The following LRPPRC variants were observed in gnomAD, a reference collection of about 807,000 sequenced individuals.
LRPPRC encodes the protein leucine-rich PPR motif-containing protein, mitochondrial.
In LRPPRC, 120 loss-of-function variants were observed where a neutral mutation model predicts 180.3. The ratio of observed to expected loss-of-function variants is 0.67; its 90% CI spans 0.57 to 0.77. The LOEUF is 0.77. LRPPRC is among the 30% of genes least tolerant of loss of function. The pLI is 0.00. For missense variants in LRPPRC, 2,012 were observed against 1,657.2 expected (o/e 1.21, Z -3.72); for synonymous variants, 723 against 600.0 (o/e 1.21, Z -3.00).
chr2:43,917,967 C>T (rs1232656022), intron 29 of LRPPRC, 58 bp downstream of exon 29: 1 of 1,229,118 alleles, frequency 8.1e-7, no homozygotes, highest in South Asian at 1.2e-5. Flanking sequence ...ACACCCCACA[C>T]TGCTATTAGA....
Position 43,899,337 on chromosome 2 carries a change from G to A in LRPPRC, c.3710-3C>T. On this transcript the variant is annotated splice_region_variant and splice_polypyrimidine_tract_variant and intron_variant, in intron 33 of 37. Transcript: ENST00000260665. The stretch of plus-strand genomic sequence containing the variant: ...CAATCTCTCCGCCATGATGCTTACT[G>A]GAAAAATGACAGGTAAGAAAAATCT... The A allele has an allele frequency of 6.2e-7, 1 of 1,611,886 alleles. No individual in the cohort carries two copies. Among genetic ancestry groups the A allele is most frequent in the Non-Finnish European group, 8.5e-7 (1 of 1,177,990 alleles).
At chr2:43,926,391 T>C (rs1343472422) in intron 25 of LRPPRC, among the ~76,000 whole-genome samples, 3 of 152,194 alleles carry the variant, frequency 2.0e-5, no homozygotes, top group African/African-American at 7.2e-5. Flanking sequence ...TGTGCTCTTA[T>C]TTTTAATTTA....
In LRPPRC at chr2:43,948,059, T is replaced by G. The variant is rs1324589438; in HGVS notation, c.1920+63A>C. The G allele has an allele frequency of 4.4e-6, 5 of 1,137,806 alleles. No individual in the cohort carries two copies. In the East Asian group the frequency reaches 1.2e-4, roughly 27 times the overall value. 70.5% of individuals were successfully genotyped at this position (1,137,806 alleles called of 1,614,324 possible). ...CCAAAAGCATCATATTTAAATAAAA[T>G]TTTAACATGCTGTTATATGTAAGTT... On this transcript the variant is annotated intron_variant, in intron 18 of 37. Transcript: ENST00000260665.
intron 23 of LRPPRC, among the ~76,000 whole-genome samples, chr2:43,936,037 C>G (rs1212248121): frequency 6.6e-6 from 1 of 151,710 alleles, no homozygotes; most frequent in Non-Finnish European, 1.5e-5. Flanking sequence ...GAGCTGAGAT[C>G]GTGCCATTGC....
chr2:43,937,632 C>T lies in LRPPRC; in HGVS notation c.2505-2754G>A, dbSNP rs558397753. 1.6e-4 allele frequency among the ~76,000 whole-genome samples: 25 copies of T among 152,276 alleles called. No homozygotes were observed. In the South Asian group the frequency reaches 2.3e-3, roughly 14 times the overall value. On this transcript the variant is annotated intron_variant, in intron 23 of 37. Coordinates refer to ENST00000260665, the MANE Select transcript of LRPPRC (RefSeq NM_133259.4). Reference sequence around the variant, plus strand: ...TACTTATGCTACTCAGCTGTAGCAACGTGATACATTTCTAGAAGTGGTGAT... The same window carrying T: ...TACTTATGCTACTCAGCTGTAGCAATGTGATACATTTCTAGAAGTGGTGAT...
intron 14 of LRPPRC, among the ~76,000 whole-genome samples, chr2:43,956,478 C>CATGTGTGTGT (rs71393217): frequency 7.0e-6 from 1 of 142,490 alleles, no homozygotes; most frequent in African/African-American, 2.6e-5. Flanking sequence ...AAGAAAAAAA[C>CATGTGTGTGT]GTGTGTGTGT....
chr2:43,941,795 A>G (rs1377701890), intron 23 of LRPPRC, among the ~76,000 whole-genome samples: 1 of 151,258 alleles, frequency 6.6e-6, no homozygotes. Context: ...GATAGATGAA[A>G]CTGAAAGACC....
intron 9 of LRPPRC, 119 bp from the exon 10 acceptor site, chr2:43,974,019 A>G: frequency 8.4e-7 from 1 of 1,185,018 alleles, no homozygotes; most frequent in Non-Finnish European, 1.3e-6. Context: ...CTTTCTACCC[A>G]AAAATCTTGC....
At chr2:43,952,727 CAG>C (rs1164347496) in intron 14 of LRPPRC, among the ~76,000 whole-genome samples, 2 of 152,222 alleles carry the variant, frequency 1.3e-5, no homozygotes, top group African/African-American at 4.8e-5. Context: ...CTTTGTTTCC[CAG>C]AAGAGGAAAC....
rs772180951 is a variant in LRPPRC, at chr2:43,975,212, A to G, written c.743T>C (p.Met248Thr). Residue 248 changes from methionine (M) to threonine (T), a missense_variant, in exon 7 of 38, where the codon ATG (methionine) becomes ACG (threonine). Met to Thr is a moderately conservative substitution (Grantham distance 81). Transcript: ENST00000260665. ...TGTGAGAATGTTTTCTGCATTCTCC[A>G]TATCACTACAAGTTAATTCAAAAAA... ...LVTGHARAGD[M>T]ENAENILTVM... 8.7e-6 allele frequency: 14 copies of G among 1,612,582 alleles called. No homozygotes were observed. The East Asian group carries it at 8.9e-5, about 10-fold the overall frequency.
intron 13 of LRPPRC, chr2:43,959,256 C>T (rs2103656406): frequency 4.2e-6 from 3 of 711,306 alleles, no homozygotes; most frequent in Non-Finnish European, 2.6e-6. Context: ...AAAATCAATA[C>T]ACTCAGATAG....
intron 30 of LRPPRC, among the ~76,000 whole-genome samples, chr2:43,911,676 G>T (rs1419972495): frequency 6.6e-6 from 1 of 151,746 alleles, no homozygotes; most frequent in Non-Finnish European, 1.5e-5. Flanking sequence ...ACAGGCACAT[G>T]CCACCACGCC....
intron 3 of LRPPRC, 104 bp downstream of exon 3, chr2:43,979,722 C>G (rs1395199220): frequency 3.1e-6 from 3 of 958,978 alleles, no homozygotes; most frequent in Admixed American, 2.0e-5. Context: ...TCAAGTAGCC[C>G]TTCCATAAAA....
At position 43,969,861 on chromosome 2, in the gene LRPPRC, A is replaced by G. The variant is rs1673726496; in HGVS notation, c.1369+3746T>C. Among the ~76,000 whole-genome samples the G allele has an allele frequency of 2.0e-5, 3 of 152,190 alleles. No homozygotes were observed. In the South Asian group the frequency reaches 6.2e-4, roughly 32 times the overall value. ...GGCTAATTTTTCTATTTTTTTGTAG[A>G]GACAGGATTTTGCCAACTTCCCAAG... On this transcript the variant is annotated intron_variant, in intron 11 of 37. Transcript: ENST00000260665.
intron 13 of LRPPRC, chr2:43,959,227 A>C (rs1211937910): frequency 1.4e-6 from 1 of 715,462 alleles, no homozygotes; most frequent in Non-Finnish European, 2.6e-6. Flanking sequence ...AAATCTATAT[A>C]GTATACAGAG....
intron 29 of LRPPRC, among the ~76,000 whole-genome samples, chr2:43,914,542 A>G (rs1281463681): frequency 6.6e-6 from 1 of 151,840 alleles, no homozygotes; most frequent in East Asian, 1.9e-4. Context: ...AGCCTAGACA[A>G]CGTAGTGAAA....
chr2:43,917,324 C>T (rs1396581233), intron 29 of LRPPRC, among the ~76,000 whole-genome samples: 2 of 151,846 alleles, frequency 1.3e-5, no homozygotes, highest in African/African-American at 4.8e-5. Flanking sequence ...GCTGGGATTA[C>T]AGGTGTGAGC....
chr2:43,947,571 T>C (rs1488925111), intron 19 of LRPPRC, among the ~76,000 whole-genome samples, 160 bp downstream of exon 19: 1 of 152,084 alleles, frequency 6.6e-6, no homozygotes, highest in African/African-American at 2.4e-5. Flanking sequence ...TTCTTAGATA[T>C]GTTGATTTTT....
chr2:43,888,629 G>C lies in LRPPRC; in HGVS notation c.4156C>G (p.Leu1386Val), dbSNP rs886056053. ...PESFEFYAQQ[L>V]RKLRENSS ...GAAGAGTTTTCCCTCAATTTTCTTAGCTGCTGTGCATAAAATTCAAAGCTT... is the reference window on the plus strand; with the variant it reads ...GAAGAGTTTTCCCTCAATTTTCTTACCTGCTGTGCATAAAATTCAAAGCTT... The change falls in exon 38 of 38, where the codon CTA becomes GTA. Residue 1386 changes from leucine (L) to valine (V), a missense_variant. Transcript: ENST00000260665. The C allele has an allele frequency of 6.2e-7, 1 of 1,602,880 alleles. No individual in the cohort carries two copies. Among genetic ancestry groups the C allele is most frequent in the Non-Finnish European group, 8.5e-7 (1 of 1,169,992 alleles).
Sources: gnomAD v4.1 joint callset for allele counts (sites outside exome capture counted in the v4.1 genomes callset) on GRCh38, gnomAD v4.1.1 for gene constraint, MANE v1.5 for transcripts, NCBI Gene and HGNC (gene_info 2026-07-23, HGNC 2026-07-21) for gene names.